RBMS3: variants seen among roughly 807,000 people sequenced by gnomAD.
RBMS3 encodes RNA binding motif single stranded interacting protein 3.
A neutral mutation model predicts 66.8 loss-of-function variants in RBMS3; 27 were observed. The observed-to-expected ratio is 0.40, with a 90% CI of 0.30 to 0.56. The LOEUF is 0.56. RBMS3 is among the 20% of genes least tolerant of loss of function. The pLI, the probability that RBMS3 is intolerant of heterozygous loss-of-function variation, is 0.40. For missense variants in RBMS3, 513 were observed against 549.5 expected, an observed-to-expected ratio of 0.93 and a Z score of 0.66; for synonymous variants, 188 against 183.0, an observed-to-expected ratio of 1.03 and a Z score of -0.22.
chr3:29,886,797 G>A (rs748358481), intron 8 of RBMS3, among the ~76,000 whole-genome samples: 51 of 151,708 alleles, frequency 3.4e-4, no homozygotes, highest in Middle Eastern at 3.4e-3. Context: ...ATCATTAAGA[G>A]GATATTAAAA....
intron 4 of RBMS3, among the ~76,000 whole-genome samples, chr3:29,678,532 A>G (rs2051348650): frequency 6.6e-6 from 1 of 152,148 alleles, no homozygotes; most frequent in African/African-American, 2.4e-5. Flanking sequence ...AACTGGCTTT[A>G]GTTGCATCAG....
At chr3:29,353,665 T>A (rs2037053356) in intron 1 of RBMS3, among the ~76,000 whole-genome samples, 1 of 152,080 alleles carries the variant, frequency 6.6e-6, no homozygotes, top group Non-Finnish European at 1.5e-5. Flanking sequence ...ATTTTGCTAA[T>A]GTGGTTCTAA....
intron 8 of RBMS3, among the ~76,000 whole-genome samples, chr3:29,887,012 C>T (rs2059888186): frequency 6.6e-6 from 1 of 151,726 alleles, no homozygotes. Context: ...TACTCATCTA[C>T]ATAGTAGCAA....
chr3:29,492,270 G>T (rs868339656), intron 3 of RBMS3, among the ~76,000 whole-genome samples: 2 of 151,950 alleles, frequency 1.3e-5, no homozygotes, highest in African/African-American at 4.8e-5. Flanking sequence ...ATGATATGCC[G>T]ATGTATATTA....
chr3:29,804,634 A>T (rs919315545), intron 6 of RBMS3, among the ~76,000 whole-genome samples: 9 of 152,146 alleles, frequency 5.9e-5, no homozygotes, highest in African/African-American at 1.9e-4. Flanking sequence ...GTATGTTTTT[A>T]AAAAATGCTG....
At chr3:29,296,312 CAT>C (rs1054073779) in intron 1 of RBMS3, among the ~76,000 whole-genome samples, 65 of 151,908 alleles carry the variant, frequency 4.3e-4, no homozygotes, top group African/African-American at 1.5e-3. Context: ...TGCTAGAACA[CAT>C]ATTTTTTTCC....
intron 3 of RBMS3, among the ~76,000 whole-genome samples, chr3:29,553,360 C>A (rs886502734): frequency 1.3e-5 from 2 of 152,070 alleles, no homozygotes; most frequent in Non-Finnish European, 2.9e-5. Flanking sequence ...AATCAGGAAC[C>A]AGCAGAAGGA....
At chr3:29,992,175 TATTTAAA>T (rs1489390822) in intron 14 of RBMS3, among the ~76,000 whole-genome samples, 1 of 152,210 alleles carries the variant, frequency 6.6e-6, no homozygotes, top group East Asian at 1.9e-4. Flanking sequence ...GCTGCTCCGT[TATTTAAA>T]ATAATTTTTC....
chr3:29,730,169 T>C (rs892242706), intron 4 of RBMS3, among the ~76,000 whole-genome samples: 7 of 152,174 alleles, frequency 4.6e-5, no homozygotes, highest in Non-Finnish European at 1.0e-4. Context: ...CTAAAAATAG[T>C]ATTTGTTGTT....
intron 3 of RBMS3, among the ~76,000 whole-genome samples, chr3:29,503,335 G>A (rs1387100438): frequency 1.3e-5 from 2 of 151,912 alleles, no homozygotes; most frequent in East Asian, 3.9e-4. Flanking sequence ...TTCTTACCGA[G>A]ATTTACCTTG....
intron 6 of RBMS3, among the ~76,000 whole-genome samples, chr3:29,777,813 T>G (rs1307219500): frequency 6.6e-6 from 1 of 151,908 alleles, no homozygotes; most frequent in Non-Finnish European, 1.5e-5. Context: ...TTTTTTTTTC[T>G]AATTAAAATC....
intron 4 of RBMS3, among the ~76,000 whole-genome samples, chr3:29,720,551 C>A (rs986086883): frequency 1.3e-5 from 2 of 152,016 alleles, no homozygotes; most frequent in South Asian, 4.2e-4. Flanking sequence ...TAAACATATA[C>A]CTAAATAATA....
chr3:29,786,035 G>C (rs9818319), intron 6 of RBMS3, among the ~76,000 whole-genome samples: 45,823 of 150,562 alleles, frequency 0.3, 7,749 homozygotes, highest in African/African-American at 0.46. Flanking sequence ...TGTAGCTCTG[G>C]TATACATCAA....
chr3:29,984,097 C>G (rs2149788036), intron 12 of RBMS3, among the ~76,000 whole-genome samples: 1 of 152,140 alleles, frequency 6.6e-6, no homozygotes, highest in Middle Eastern at 3.4e-3. Flanking sequence ...TTCTTGGAGG[C>G]TTTGTTCATT....
intron 8 of RBMS3, among the ~76,000 whole-genome samples, chr3:29,893,903 T>C (rs568472012): frequency 1.3e-5 from 2 of 151,620 alleles, no homozygotes; most frequent in African/African-American, 4.8e-5. Context: ...CATAAGCTGC[T>C]CTGCATTTAT....
At chr3:29,739,614 T>G (rs17024312) in intron 4 of RBMS3, 106 bp from the exon 5 acceptor site, 7 of 1,056,568 alleles carry the variant, frequency 6.6e-6, no homozygotes, top group Non-Finnish European at 7.9e-6. Context: ...TTCAAGAGCA[T>G]TTTGGAGATT....
chr3:29,838,534 G>A (rs1242892846), intron 6 of RBMS3, among the ~76,000 whole-genome samples: 1 of 152,016 alleles, frequency 6.6e-6, no homozygotes, highest in Non-Finnish European at 1.5e-5. Flanking sequence ...AAGTCTAATT[G>A]ATAATAATAA....
chr3:29,962,636 T>A (rs939464847), intron 12 of RBMS3, among the ~76,000 whole-genome samples: 1 of 151,174 alleles, frequency 6.6e-6, no homozygotes, highest in Non-Finnish European at 1.5e-5. Flanking sequence ...GGGCAGTAAC[T>A]AAATTGGCCC....
chr3:29,473,145 T>A (rs1318096256), intron 2 of RBMS3, among the ~76,000 whole-genome samples: 1 of 151,336 alleles, frequency 6.6e-6, no homozygotes, highest in Admixed American at 6.6e-5. Context: ...TTACAATCCC[T>A]TAGCTAGACA....
Sources: gnomAD v4.1 joint callset for allele counts (sites outside exome capture counted in the v4.1 genomes callset) on GRCh38, gnomAD v4.1.1 for gene constraint, MANE v1.5 for transcripts, NCBI Gene and HGNC (gene_info 2026-07-23, HGNC 2026-07-21) for gene names.